Variants in CNBD1 observed in about 807,000 individuals in gnomAD.
The protein encoded by CNBD1 is cyclic nucleotide binding domain containing 1.
Under a neutral mutation model 54.4 loss-of-function variants are expected in CNBD1, and 71 were observed. The ratio of observed to expected loss-of-function variants is 1.30; its 90% CI spans 1.08 to 1.59. The LOEUF is 1.59. Ranked by LOEUF, CNBD1 falls within the 40% of genes most tolerant of loss-of-function variation. The pLI is 0.00. For missense variants in CNBD1, 659 were observed against 518.0 expected (o/e 1.27, Z -2.64); for synonymous variants, 182 against 170.7 (o/e 1.07, Z -0.51).
intron 5 of CNBD1, among the ~76,000 whole-genome samples, chr8:87,232,202 G>C (rs1363143235): frequency 2.0e-5 from 3 of 152,042 alleles, no homozygotes; most frequent in Non-Finnish European, 1.5e-5. Context: ...GATTTTTATA[G>C]AGTTCAGCTA....
chr8:87,056,208 G>A (rs73281242), intron 4 of CNBD1, among the ~76,000 whole-genome samples: 2,230 of 152,132 alleles, frequency 0.015, 42 homozygotes, highest in African/African-American at 0.048. Flanking sequence ...TTATATAAAA[G>A]CATCTCTACC....
At chr8:87,262,699 T>C (rs1241975923) in intron 6 of CNBD1, among the ~76,000 whole-genome samples, 1 of 152,186 alleles carries the variant, frequency 6.6e-6, no homozygotes, top group East Asian at 1.9e-4. Context: ...ACTTTTAGCT[T>C]GGTTCTGCTA....
At chr8:87,153,147 T>C (rs550778396) in intron 4 of CNBD1, among the ~76,000 whole-genome samples, 41 of 152,152 alleles carry the variant, frequency 2.7e-4, no homozygotes, top group Non-Finnish European at 5.1e-4. Context: ...ACTTTCCTAA[T>C]TGAATAGAAA....
In CNBD1 at chr8:87,397,023, C is replaced by A. The variant is rs189267398; in HGVS notation, c.214-31523C>A. 5.2e-4 allele frequency among the ~76,000 whole-genome samples: 78 copies of A among 151,050 alleles called. No homozygotes were observed. The East Asian group carries it at 0.014, about 27-fold the overall frequency. On this transcript the variant is annotated intron_variant, in intron 2 of 7. Transcript: ENST00000521593. ...ATGTATTTTAAAATCTATTATTTAA[C>A]CTTTGGTTTTAGAGGCAAGCTTTTA...
intron 4 of CNBD1, among the ~76,000 whole-genome samples, chr8:87,059,675 G>A (rs1320474231): frequency 6.6e-6 from 1 of 152,214 alleles, no homozygotes; most frequent in Non-Finnish European, 1.5e-5. Context: ...AGAATAGCAT[G>A]GAGATAGCCA....
intron 2 of CNBD1, among the ~76,000 whole-genome samples, chr8:87,425,184 A>G (rs1051032558): frequency 1.6e-4 from 24 of 151,512 alleles, no homozygotes; most frequent in Admixed American, 5.2e-4. Context: ...GCTCCTTTAA[A>G]CACTTCTCTG....
chr8:87,046,520 C>T (rs192613189), intron 4 of CNBD1, among the ~76,000 whole-genome samples: 1 of 152,164 alleles, frequency 6.6e-6, no homozygotes, highest in Admixed American at 6.5e-5. Flanking sequence ...GTGCATGTTC[C>T]CCTCCAATGC....
In CNBD1 at chr8:87,398,394, C is replaced by T. The variant is rs149684097; in HGVS notation, c.214-30152C>T. On this transcript the variant is annotated intron_variant, in intron 2 of 7. Transcript: ENST00000521593. ...AGAAAATAGAAATTCTGTAGTTCTACATGAGCCTATTTGTGGACCAGTTTG... is the reference window on the plus strand; with the variant it reads ...AGAAAATAGAAATTCTGTAGTTCTATATGAGCCTATTTGTGGACCAGTTTG... Among the ~76,000 whole-genome samples the T allele has an allele frequency of 2.4e-3, 368 of 151,894 alleles. 3 individuals are homozygous for T. The highest frequency in any genetic ancestry group is 8.4e-3 in the African/African-American group (346 of 41,418).
At chr8:87,171,481 TTTATA>T (rs1813085737) in intron 4 of CNBD1, among the ~76,000 whole-genome samples, 1 of 152,032 alleles carries the variant, frequency 6.6e-6, no homozygotes, top group African/African-American at 2.4e-5. Context: ...TTGTTGATCT[TTTATA>T]TTGTTTCCTT....
At chr8:86,943,906 C>T (rs1807397930) in intron 4 of CNBD1, among the ~76,000 whole-genome samples, 1 of 151,980 alleles carries the variant, frequency 6.6e-6, no homozygotes, top group Non-Finnish European at 1.5e-5. Flanking sequence ...TCTAAGGCAA[C>T]TCTGGAAGTC....
chr8:86,880,206 C>G (rs1240853075), intron 1 of CNBD1, among the ~76,000 whole-genome samples: 1 of 132,998 alleles, frequency 7.5e-6, no homozygotes, highest in African/African-American at 3.0e-5. Flanking sequence ...ACATGTCACA[C>G]AGCCCTACTT....
intron 4 of CNBD1, among the ~76,000 whole-genome samples, chr8:87,138,698 A>G (rs1268976895): frequency 6.6e-6 from 1 of 152,120 alleles, no homozygotes; most frequent in East Asian, 1.9e-4. Flanking sequence ...GTTCCCATGG[A>G]AACACTAACA....
intron 4 of CNBD1, among the ~76,000 whole-genome samples, chr8:87,132,885 AAC>A (rs1352398346): frequency 1.0e-4 from 15 of 150,388 alleles, no homozygotes; most frequent in African/African-American, 3.4e-4. Context: ...AATTACATGA[AAC>A]ACATGGTTTT....
chr8:87,262,988 G>C (rs1363623251), intron 6 of CNBD1, among the ~76,000 whole-genome samples: 1 of 152,142 alleles, frequency 6.6e-6, no homozygotes, highest in Non-Finnish European at 1.5e-5. Context: ...AGTAAGCAAA[G>C]TTCATTGTGG....
chr8:87,379,812 G>T (rs1007038625), intron 10 of CNBD1, among the ~76,000 whole-genome samples: 2 of 151,802 alleles, frequency 1.3e-5, no homozygotes, highest in Non-Finnish European at 2.9e-5. Context: ...AAATAAGGAA[G>T]TTGAAGTAGA....
chr8:87,227,435 G>A (rs1190898789), intron 5 of CNBD1, among the ~76,000 whole-genome samples: 2 of 149,308 alleles, frequency 1.3e-5, no homozygotes, highest in Non-Finnish European at 3.0e-5. Flanking sequence ...GGGCAGGCCT[G>A]GTGGTGACAA....
At chr8:87,019,082 A>C (rs781567391) in intron 4 of CNBD1, among the ~76,000 whole-genome samples, 1 of 151,382 alleles carries the variant, frequency 6.6e-6, no homozygotes, top group Non-Finnish European at 1.5e-5. Flanking sequence ...ATCTATCTAT[A>C]TATATTTAAT....
chr8:87,085,795 T>A (rs1057472732), intron 4 of CNBD1, among the ~76,000 whole-genome samples: 1 of 152,162 alleles, frequency 6.6e-6, no homozygotes, highest in Non-Finnish European at 1.5e-5. Flanking sequence ...AGGGCCATTC[T>A]CTGCTACCTG....
chr8:86,969,393 C>T (rs1348697654), intron 4 of CNBD1, among the ~76,000 whole-genome samples: 1 of 152,100 alleles, frequency 6.6e-6, no homozygotes, highest in Non-Finnish European at 1.5e-5. Context: ...TCTTTATAAA[C>T]ACTCCTTCAG....
Sources: gnomAD v4.1 joint callset for allele counts (sites outside exome capture counted in the v4.1 genomes callset) on GRCh38, gnomAD v4.1.1 for gene constraint, MANE v1.5 for transcripts, NCBI Gene and HGNC (gene_info 2026-07-23, HGNC 2026-07-21) for gene names.